Variants in CFAP74 observed in about 807,000 individuals in gnomAD.
CFAP74 encodes cilia and flagella associated protein 74, also known as cilia- and flagella-associated protein 74.
A neutral mutation model predicts 188.9 loss-of-function variants in CFAP74; 124 were observed. The ratio of observed to expected loss-of-function variants is 0.66; its 90% CI spans 0.57 to 0.76. The LOEUF is 0.76. CFAP74 is among the 30% of genes least tolerant of loss of function. The pLI is 0.00. For missense variants in CFAP74, 2,198 were observed against 2,165.2 expected (o/e 1.02, Z -0.30); for synonymous variants, 956 against 916.7 (o/e 1.04, Z -0.77).
rs1321495551 is a variant in CFAP74 at position 1,994,311 on chromosome 1, T to C, written c.-19-3336A>G. On this transcript the variant is annotated intron_variant, in intron 1 of 38. Coordinates refer to ENST00000682832, the MANE Select transcript of CFAP74 (RefSeq NM_001304360.2). ...GAAATGTACATAAATGTTGACATTA[T>C]GTATGAGATGCTAAAACTGTAAAAT... 2.6e-5 allele frequency among the ~76,000 whole-genome samples: 4 copies of C among 152,154 alleles called. No individual in the cohort carries two copies. In the South Asian group the frequency reaches 6.2e-4, roughly 24 times the overall value.
intron 2 of CFAP74, among the ~76,000 whole-genome samples, chr1:1,989,713 G>C (rs1042701525): frequency 6.6e-6 from 1 of 152,160 alleles, no homozygotes. Flanking sequence ...CACCCGTCTC[G>C]GCCTCCCCAA....
intron 25 of CFAP74, among the ~76,000 whole-genome samples, chr1:1,932,588 CTTTCTTTT>C (rs1652501298): frequency 6.6e-6 from 1 of 150,544 alleles, no homozygotes; most frequent in Admixed American, 6.6e-5. Flanking sequence ...CAATTTTTTT[CTTTCTTTT>C]TTTCTTTTTT....
chr1:1,969,911 G>C (rs1005931497), intron 10 of CFAP74, among the ~76,000 whole-genome samples: 2 of 152,260 alleles, frequency 1.3e-5, no homozygotes, highest in Non-Finnish European at 2.9e-5. Flanking sequence ...AAAGGGCCAG[G>C]CTCCCGGGAT....
At position 1,935,072 on chromosome 1, in the gene CFAP74, C is replaced by A. The variant is rs1488985359; in HGVS notation, c.3011+3783G>T. ...TAGGCTGTGGGTACACACGTGTGTA[C>A]GTGGGTGTTAGGTTGTGGGTACACA... On this transcript the variant is annotated intron_variant, in intron 25 of 38. Coordinates refer to ENST00000682832, the MANE Select transcript of CFAP74 (RefSeq NM_001304360.2). Among the ~76,000 whole-genome samples, 3 of 66,142 alleles carry A rather than the reference C, an allele frequency of 4.5e-5. 1 individual carries two copies. Among genetic ancestry groups the A allele is most frequent in the African/African-American group, 1.7e-4 (3 of 17,410 alleles). The allele number at this position is 66,142 out of a possible 152,430, so 43.4% of individuals were successfully genotyped here.
intron 5 of CFAP74, 45 bp downstream of exon 5, chr1:1,986,878 GTGAACCTCCGGCCC>G: frequency 6.9e-7 from 1 of 1,451,172 alleles, no homozygotes; most frequent in Non-Finnish European, 9.5e-7. Flanking sequence ...GGGTGAACCA[GTGAACCTCCGGCCC>G]TGACCTCATG....
At chr1:1,929,740 A>G (rs1256622820) in intron 26 of CFAP74, among the ~76,000 whole-genome samples, 1 of 151,704 alleles carries the variant, frequency 6.6e-6, no homozygotes, top group Non-Finnish European at 1.5e-5. Flanking sequence ...AAGGGACTAC[A>G]CAGCCTTCCC....
chr1:1,971,416 TGCAC>T (rs1027189208), intron 9 of CFAP74, among the ~76,000 whole-genome samples: 10 of 150,578 alleles, frequency 6.6e-5, no homozygotes, highest in Non-Finnish European at 1.3e-4. Context: ...CATGCACACA[TGCAC>T]ACACACATGC....
chr1:1,960,151 C>T (rs777661154), intron 14 of CFAP74, 121 bp from the exon 15 acceptor site: 2 of 796,872 alleles, frequency 2.5e-6, no homozygotes, highest in Non-Finnish European at 2.0e-6. Flanking sequence ...GGCCTGGCCC[C>T]CTGCCCAGCC....
chr1:1,981,273 A>G (rs2102094289), intron 6 of CFAP74, among the ~76,000 whole-genome samples: 1 of 152,286 alleles, frequency 6.6e-6, no homozygotes, highest in Admixed American at 6.5e-5. Flanking sequence ...GTGCCCAGAG[A>G]CGACAAAAGG....
At position 1,987,798 on chromosome 1, in the gene CFAP74, C is replaced by T. The variant is rs564347029; in HGVS notation, c.296+714G>A. Among the ~76,000 whole-genome samples, 9 of 152,282 alleles carry T rather than the reference C, an allele frequency of 5.9e-5. 1 individual carries two copies. Among genetic ancestry groups the T allele is most frequent in the African/African-American group, 1.7e-4 (7 of 41,556 alleles). On this transcript the variant is annotated intron_variant, in intron 4 of 38. Transcript: ENST00000682832. Reference sequence around the variant, plus strand: ...CTCGTGATCCACCCACCTTGGCCTCCCAAAGTGCTGGGATTACAGGTGTGA... The same window carrying T: ...CTCGTGATCCACCCACCTTGGCCTCTCAAAGTGCTGGGATTACAGGTGTGA...
chr1:1,929,961 A>T, intron 26 of CFAP74, 99 bp downstream of exon 26: 1 of 1,315,586 alleles, frequency 7.6e-7, no homozygotes. Flanking sequence ...CCGGGTTGAA[A>T]CCCTGTGGTT....
At chr1:1,922,929 G>A in intron 37 of CFAP74, 56 bp downstream of exon 37, 2 of 1,527,348 alleles carry the variant, frequency 1.3e-6, no homozygotes, top group Admixed American at 2.2e-5. Context: ...GGGCTGCCCA[G>A]GGCAGGGGAG....
chr1:1,937,923 C>A (rs756371323), intron 25 of CFAP74, among the ~76,000 whole-genome samples: 1 of 148,730 alleles, frequency 6.7e-6, no homozygotes, highest in Non-Finnish European at 1.5e-5. Flanking sequence ...TACACACATG[C>A]ACACACACAG....
intron 20 of CFAP74, among the ~76,000 whole-genome samples, chr1:1,945,764 GCTGA>G (rs1653710297): frequency 6.6e-6 from 1 of 151,758 alleles, no homozygotes; most frequent in South Asian, 2.1e-4. Context: ...GGGGTTAGAG[GCTGA>G]AGTGAGCTGT....
intron 23 of CFAP74, among the ~76,000 whole-genome samples, 182 bp downstream of exon 23, chr1:1,940,134 T>C (rs1032148400): frequency 6.6e-6 from 1 of 152,188 alleles, no homozygotes; most frequent in Non-Finnish European, 1.5e-5. Context: ...CTCGGAGGCC[T>C]CTCTCTGGCC....
At chr1:1,978,704 C>T (rs1291765917) in intron 6 of CFAP74, among the ~76,000 whole-genome samples, 7 of 152,132 alleles carry the variant, frequency 4.6e-5, no homozygotes, top group South Asian at 2.1e-4. Flanking sequence ...CAGTGGGACC[C>T]GTGTTGGGCC....
chr1:1,989,808 C>T (rs986600059), intron 2 of CFAP74, among the ~76,000 whole-genome samples: 5 of 152,298 alleles, frequency 3.3e-5, no homozygotes, highest in East Asian at 1.9e-4. Context: ...GTACCACACC[C>T]GGCCAGTGTT....
intron 13 of CFAP74, 73 bp downstream of exon 13, chr1:1,964,815 T>C (rs1424244144): frequency 1.9e-6 from 3 of 1,546,302 alleles, no homozygotes; most frequent in African/African-American, 2.8e-5. Context: ...GTGTCAGGGG[T>C]TGGGCTGCGG....
At chr1:1,959,887 C>T in intron 15 of CFAP74, 77 bp downstream of exon 15, 1 of 1,293,490 alleles carries the variant, frequency 7.7e-7, no homozygotes, top group Non-Finnish European at 1.1e-6. Context: ...CCATCATGTT[C>T]TGCGCCACCA....
Sources: allele counts gnomAD v4.1 joint callset (sites outside exome capture counted in the v4.1 genomes callset), GRCh38; gene constraint gnomAD v4.1.1; transcripts MANE v1.5; gene names NCBI Gene and HGNC (gene_info 2026-07-23, HGNC 2026-07-21).